Variants in DMD observed in about 807,000 individuals in gnomAD.
The protein encoded by DMD is mutant dystrophin.
Under a neutral mutation model 330.1 loss-of-function variants are expected in DMD, and 63 were observed. The observed-to-expected ratio is 0.19, with a 90% CI of 0.16 to 0.24. The LOEUF is 0.24. Ranked by LOEUF, DMD falls within the 10% of genes least tolerant of loss-of-function variation. The pLI, the probability that DMD is intolerant of heterozygous loss-of-function variation, is 1.00. For synonymous variants in DMD, 1,223 were observed against 959.8 expected, an observed-to-expected ratio of 1.27 and a Z score of -5.07; for missense variants, 3,344 against 2,684.1, an observed-to-expected ratio of 1.25 and a Z score of -5.43.
At chrX:33,305,563 A>G (rs1389640285) in intron 1 of DMD, among the ~76,000 whole-genome samples, 2 of 105,593 alleles carry the variant, frequency 1.9e-5, no homozygotes, top group African/African-American at 6.9e-5. Context: ...AACTTAGAGT[A>G]TAATAATAAT....
intron 9 of DMD, among the ~76,000 whole-genome samples, chrX:32,686,861 A>G (rs1455704723): frequency 9.0e-6 from 1 of 111,071 alleles, no homozygotes; most frequent in Non-Finnish European, 1.9e-5. Context: ...AGCTTAAAAT[A>G]ATTATAATCC....
At chrX:31,915,649 C>A (rs972175951) in intron 47 of DMD, among the ~76,000 whole-genome samples, 4 of 111,691 alleles carry the variant, frequency 3.6e-5, no homozygotes, top group African/African-American at 1.3e-4. Context: ...ATACATAAAC[C>A]AAGGTACTGT....
At chrX:31,499,330 T>G (rs1324761398) in intron 56 of DMD, among the ~76,000 whole-genome samples, 1 of 110,847 alleles carries the variant, frequency 9.0e-6, no homozygotes, top group Non-Finnish European at 1.9e-5. Context: ...AAGGGCAGGC[T>G]GCCTATGTTA....
chrX:32,470,029 C>A (rs747923510), intron 22 of DMD, among the ~76,000 whole-genome samples: 3 of 111,413 alleles, frequency 2.7e-5, no homozygotes, highest in Non-Finnish European at 3.8e-5. Context: ...ACATTTCCAG[C>A]AGTAAGAGAC....
chrX:31,531,541 A>C lies in DMD; in HGVS notation c.8218-24088T>G, dbSNP rs1245147302. On this transcript the variant is annotated intron_variant, in intron 55 of 78. Transcript: ENST00000357033. Reference sequence around the variant, plus strand: ...TGGGGTTGTTTGTTTTTTTCTTGTAAATTTGTTTGAGTTCATTGTAGATTC... The same window carrying C: ...TGGGGTTGTTTGTTTTTTTCTTGTACATTTGTTTGAGTTCATTGTAGATTC... 6.8e-4 allele frequency among the ~76,000 whole-genome samples: 56 copies of C among 81,890 alleles called. 2 individuals carry two copies. In the South Asian group the frequency reaches 0.032, roughly 47 times the overall value. 71.1% of individuals were successfully genotyped at this position (81,890 alleles called of 115,157 possible).
At chrX:31,855,044 G>GT (rs1243441983) in intron 48 of DMD, among the ~76,000 whole-genome samples, 7 of 112,276 alleles carry the variant, frequency 6.2e-5, no homozygotes, top group Admixed American at 2.8e-4. Context: ...TTCACGGTCT[G>GT]TATTTTCAGT....
At chrX:32,539,055 T>G (rs2048253519) in intron 17 of DMD, among the ~76,000 whole-genome samples, 2 of 111,817 alleles carry the variant, frequency 1.8e-5, no homozygotes, top group Admixed American at 1.9e-4. Context: ...CATTACTATA[T>G]TCTTCAAAAC....
rs138274156 is a variant in DMD, at chrX:33,031,720, A to G, written c.32-11520T>C. Among the ~76,000 whole-genome samples the G allele has an allele frequency of 5.0e-3, 557 of 110,969 alleles. 5 individuals are homozygous for G. The highest frequency in any genetic ancestry group is 0.016 in the African/African-American group (496 of 30,513). ...TGGGAGGCTGAGGTTGCAGTGAGCCAAGATCATGCCACTGCACTCCAGCCC... is the reference window on the plus strand; with the variant it reads ...TGGGAGGCTGAGGTTGCAGTGAGCCGAGATCATGCCACTGCACTCCAGCCC... On this transcript the variant is annotated intron_variant, in intron 1 of 78. Transcript: ENST00000357033.
intron 7 of DMD, among the ~76,000 whole-genome samples, chrX:32,805,877 A>C (rs2076911520): frequency 1.8e-5 from 2 of 112,083 alleles, no homozygotes; most frequent in Non-Finnish European, 3.8e-5. Flanking sequence ...AAAGACGAGC[A>C]AATGCTGAGA....
At chrX:31,173,730 T>G in intron 71 of DMD, 126 bp from the exon 72 acceptor site, 1 of 491,786 alleles carries the variant, frequency 2.0e-6, no homozygotes, top group Admixed American at 3.7e-5. Context: ...AATGTATACA[T>G]TTAGTTGCTC....
chrX:31,893,167 T>G (rs893454796), intron 47 of DMD, among the ~76,000 whole-genome samples: 1 of 112,031 alleles, frequency 8.9e-6, no homozygotes, highest in African/African-American at 3.2e-5. Flanking sequence ...CTTATTAACA[T>G]AACATCAATT....
rs779174258 is a variant in DMD at position 31,286,423 on chromosome X, A to G, written c.9225-25407T>C. Among the ~76,000 whole-genome samples, 353 of 112,789 alleles carry G rather than the reference A, an allele frequency of 3.1e-3. 5 individuals carry two copies. Among genetic ancestry groups the G allele is most frequent in the Non-Finnish European group, 5.3e-3 (283 of 53,345 alleles). ...GGGAAGTTTATCAGATAATTTTGAT[A>G]TAAGACGATAGGTTAAAAATAAGGC... On this transcript the variant is annotated intron_variant, in intron 62 of 78. Transcript: ENST00000357033.
chrX:31,478,280 G>A lies in DMD; in HGVS notation c.8763C>T (p.His2921=), dbSNP rs755037672. The A allele has an allele frequency of 1.2e-5, 14 of 1,209,371 alleles. No homozygotes were observed. In the Admixed American group the frequency reaches 1.5e-4, roughly 13 times the overall value. ...CTATTTTTCTCTGCCAGTCAGCGGA[G>A]TGCAGGTTCAATTTTTCCCACTCAG... is the stretch of plus-strand genomic sequence containing the variant. ...VNTEWEKLNL[H]SADWQRKIDE... is the part of the protein sequence containing the mutation. Residue 2921 remains histidine (H), a synonymous_variant, in exon 59 of 79, where the codon CAC becomes CAT. Coordinates refer to ENST00000357033, the MANE Select transcript of DMD (RefSeq NM_004006.3).
At chrX:32,157,343 T>C (rs2096834276) in intron 44 of DMD, among the ~76,000 whole-genome samples, 1 of 112,278 alleles carries the variant, frequency 8.9e-6, no homozygotes, top group Non-Finnish European at 1.9e-5. Flanking sequence ...TTAACAGGCA[T>C]TCAATAAATA....
At chrX:31,648,915 T>G (rs1406723031) in intron 54 of DMD, among the ~76,000 whole-genome samples, 2 of 110,899 alleles carry the variant, frequency 1.8e-5, no homozygotes. Flanking sequence ...ATGATTATAT[T>G]CATTTATTAA....
At chrX:31,923,594 C>CTT (rs746084752) in intron 47 of DMD, among the ~76,000 whole-genome samples, 65 of 76,180 alleles carry the variant, frequency 8.5e-4, no homozygotes, top group East Asian at 1.1e-3. Context: ...GGTGAACACC[C>CTT]TTTTTTTTTT....
intron 1 of DMD, among the ~76,000 whole-genome samples, chrX:33,161,151 T>C (rs921364004): frequency 8.9e-6 from 1 of 112,021 alleles, no homozygotes; most frequent in Non-Finnish European, 1.9e-5. Flanking sequence ...AGTCTCAGTA[T>C]AGTTAGATCA....
At chrX:31,530,756 T>C (rs1419730923) in intron 55 of DMD, among the ~76,000 whole-genome samples, 1 of 65,049 alleles carries the variant, frequency 1.5e-5, no homozygotes, top group Non-Finnish European at 2.9e-5. Context: ...ACATGTGCCA[T>C]GCTGGTGCGC....
intron 12 of DMD, among the ~76,000 whole-genome samples, chrX:32,606,818 A>C (rs1341300634): frequency 5.5e-5 from 6 of 108,640 alleles, no homozygotes. Context: ...AGAAAGTATG[A>C]AATCCTGTCT....
Sources: gnomAD v4.1 joint callset for allele counts (sites outside exome capture counted in the v4.1 genomes callset) on GRCh38, gnomAD v4.1.1 for gene constraint, MANE v1.5 for transcripts, NCBI Gene and HGNC (gene_info 2026-07-23, HGNC 2026-07-21) for gene names.